ZCCHC4: variants seen among roughly 807,000 people sequenced by gnomAD.
The protein encoded by ZCCHC4 is zinc finger CCHC-type containing 4.
In ZCCHC4, 54 loss-of-function variants were observed where a neutral mutation model predicts 67.7. The observed-to-expected ratio is 0.80, with a 90% confidence interval of 0.64 to 1.00. The LOEUF (loss-of-function observed/expected upper bound fraction) is 1.00, where lower values mean the gene tolerates loss of function less well. Among genes scored for constraint, ZCCHC4 ranks in the 50% least tolerant of loss-of-function variants. The pLI is 0.00. For missense variants in ZCCHC4, 609 were observed against 617.0 expected (o/e 0.99, Z 0.14); for synonymous variants, 198 against 213.5 (o/e 0.93, Z 0.63).
Position 25,364,519 on chromosome 4 carries a change from CT to C in ZCCHC4, c.1261+16del. 2 of 1,552,288 alleles carry C rather than the reference CT, an allele frequency of 1.3e-6. No homozygotes were observed. Among genetic ancestry groups the C allele is most frequent in the Non-Finnish European group, 1.7e-6 (2 of 1,153,836 alleles). ...GTGTAAAGCCTTGTAAGTATTGAGACTTAGTGTTTGAGATCCTATGAACATA... is the reference window on the plus strand; with the variant it reads ...GTGTAAAGCCTTGTAAGTATTGAGACTAGTGTTTGAGATCCTATGAACATA... On this transcript the variant is annotated intron_variant, in intron 11 of 12. Transcript: ENST00000302874.
At chr4:25,343,230 A>G (rs1206781860) in intron 5 of ZCCHC4, among the ~76,000 whole-genome samples, 2 of 152,210 alleles carry the variant, frequency 1.3e-5, no homozygotes, top group African/African-American at 4.8e-5. Context: ...GTTACGGTAT[A>G]TAGTTTAAAT....
At chr4:25,338,068 A>G (rs1221575140) in intron 5 of ZCCHC4, among the ~76,000 whole-genome samples, 1 of 152,208 alleles carries the variant, frequency 6.6e-6, no homozygotes, top group Non-Finnish European at 1.5e-5. Flanking sequence ...TATAACCTTG[A>G]AAACTTTTCC....
intron 5 of ZCCHC4, 96 bp downstream of exon 5, chr4:25,334,084 A>T (rs972064388): frequency 1.4e-6 from 1 of 704,520 alleles, no homozygotes; most frequent in African/African-American, 1.9e-5. Flanking sequence ...ACAACTCTTT[A>T]GTTTACATCT....
At chr4:25,318,796 T>G (rs200980185) in intron 3 of ZCCHC4, among the ~76,000 whole-genome samples, 1 of 150,462 alleles carries the variant, frequency 6.6e-6, no homozygotes, top group Non-Finnish European at 1.5e-5. Context: ...GTTATTTTTT[T>G]TGGGGGGCCA....
chr4:25,357,387 A>G (rs1720559586), intron 8 of ZCCHC4, among the ~76,000 whole-genome samples: 1 of 152,242 alleles, frequency 6.6e-6, no homozygotes, highest in South Asian at 2.1e-4. Flanking sequence ...GTGATACTGT[A>G]CTTCCAAATA....
intron 5 of ZCCHC4, among the ~76,000 whole-genome samples, chr4:25,343,126 A>G (rs1349369055): frequency 6.6e-6 from 1 of 152,174 alleles, no homozygotes; most frequent in Non-Finnish European, 1.5e-5. Context: ...ACTTTTTTTA[A>G]AGGCAGTTAT....
In ZCCHC4 at chr4:25,317,084, A is replaced by G. The variant is rs560031660; in HGVS notation, c.329+1684A>G. Among the ~76,000 whole-genome samples the G allele has an allele frequency of 7.9e-5, 12 of 152,352 alleles. No individual in the cohort carries two copies. In the South Asian group the frequency reaches 1.4e-3, roughly 18 times the overall value. ...CTTACCTGTGTCACTGACATTGTAC[A>G]GTATGTGCTGGGAGAAGCTCCTTAA... is the stretch of plus-strand genomic sequence containing the variant. On this transcript the variant is annotated intron_variant, in intron 3 of 12. Coordinates refer to ENST00000302874, the MANE Select transcript of ZCCHC4 (RefSeq NM_024936.3).
In ZCCHC4 at chr4:25,315,381, C is replaced by G. The variant is rs201478693; in HGVS notation, c.310C>G (p.Arg104Gly). The stretch of plus-strand genomic sequence containing the variant: ...CCGAAGATGTCAGCCTCCCCTGTCC[C>G]GAACGCAGTGTGTGGAAAGGTACTG... The part of the protein sequence containing the change: ...HNRRCQPPLS[R>G]TQCVERYLKF... Residue 104 changes from arginine to glycine, a missense_variant, in exon 3 of 13, where the codon CGA becomes GGA. Arg to Gly is a moderately radical substitution (Grantham distance 125). Coordinates refer to ENST00000302874, the MANE Select transcript of ZCCHC4 (RefSeq NM_024936.3). 3 of 1,612,590 alleles carry G rather than the reference C, an allele frequency of 1.9e-6. No individual in the cohort carries two copies. The highest frequency in any genetic ancestry group is 1.7e-6 in the Non-Finnish European group (2 of 1,179,188).
At chr4:25,320,385 A>T (rs1718519022) in intron 3 of ZCCHC4, among the ~76,000 whole-genome samples, 1 of 152,136 alleles carries the variant, frequency 6.6e-6, no homozygotes, top group Admixed American at 6.5e-5. Flanking sequence ...GATCTCATTT[A>T]AACTGAGATT....
chr4:25,333,618 A>G (rs188889128), intron 4 of ZCCHC4, among the ~76,000 whole-genome samples, 160 bp downstream of exon 4: 2 of 152,342 alleles, frequency 1.3e-5, no homozygotes, highest in African/African-American at 4.8e-5. Context: ...TGCAACCTGT[A>G]TTCCATTTGA....
intron 6 of ZCCHC4, among the ~76,000 whole-genome samples, chr4:25,346,089 C>G (rs568717893): frequency 6.6e-6 from 1 of 152,132 alleles, no homozygotes; most frequent in Non-Finnish European, 1.5e-5. Context: ...TCCCCCGACC[C>G]CTACTCCCCA....
At chr4:25,363,951 G>C (rs142494712) in intron 10 of ZCCHC4, among the ~76,000 whole-genome samples, 7 of 152,122 alleles carry the variant, frequency 4.6e-5, no homozygotes, top group African/African-American at 1.4e-4. Flanking sequence ...GGTTTTATCC[G>C]TGTTTGCTTT....
intron 5 of ZCCHC4, among the ~76,000 whole-genome samples, chr4:25,344,459 T>G (rs1327870527): frequency 9.0e-6 from 1 of 111,066 alleles, no homozygotes; most frequent in African/African-American, 3.2e-5. Flanking sequence ...CTGGGGACTG[T>G]TGTGGGGTGG....
Position 25,314,796 on chromosome 4 carries a change from A to T in ZCCHC4, c.247-522A>T, listed in dbSNP as rs1182938328. ...AGTCGATAGCACCGTTGGCAGATAC[A>T]GATTGCTCACTAAAGAGAAATCATG... On this transcript the variant is annotated intron_variant, in intron 2 of 12. Transcript: ENST00000302874. 2.6e-5 allele frequency among the ~76,000 whole-genome samples: 4 copies of T among 152,250 alleles called. No homozygotes were observed. In the East Asian group the frequency reaches 7.7e-4, roughly 29 times the overall value.
At chr4:25,341,031 C>A (rs542738529) in intron 5 of ZCCHC4, among the ~76,000 whole-genome samples, 1 of 151,722 alleles carries the variant, frequency 6.6e-6, no homozygotes, top group Non-Finnish European at 1.5e-5. Flanking sequence ...TTAATAGAAA[C>A]GGGACTTGCT....
intron 6 of ZCCHC4, 112 bp from the exon 7 acceptor site, chr4:25,349,380 T>C (rs913143818): frequency 4.0e-6 from 4 of 1,005,158 alleles, no homozygotes; most frequent in Non-Finnish European, 5.8e-6. Context: ...CAAGATGACT[T>C]GGTAAAGTTT....
chr4:25,345,452 T>G, intron 5 of ZCCHC4, 96 bp from the exon 6 acceptor site: 1 of 779,266 alleles, frequency 1.3e-6, no homozygotes, highest in Non-Finnish European at 2.1e-6. Flanking sequence ...AAAAATGAAA[T>G]TTTTTAAAGG....
chr4:25,313,467 C>T (rs1718063413), intron 1 of ZCCHC4, among the ~76,000 whole-genome samples: 1 of 152,158 alleles, frequency 6.6e-6, no homozygotes, highest in African/African-American at 2.4e-5. Flanking sequence ...ATATTCACAA[C>T]GTAGACAGCA....
intron 10 of ZCCHC4, 120 bp from the exon 11 acceptor site, chr4:25,364,334 C>A: frequency 2.8e-6 from 2 of 706,626 alleles, no homozygotes; most frequent in South Asian, 7.3e-5. Context: ...CCAGAAAAGG[C>A]AGAAATAAGG....
Sources: allele counts gnomAD v4.1 joint callset (sites outside exome capture counted in the v4.1 genomes callset), GRCh38; gene constraint gnomAD v4.1.1; transcripts MANE v1.5; gene names NCBI Gene and HGNC (gene_info 2026-07-23, HGNC 2026-07-21).